Variants in PLEKHG5 observed in about 807,000 individuals in gnomAD.
PLEKHG5 encodes the protein pleckstrin homology domain-containing family G member 5.
A neutral mutation model predicts 103.8 loss-of-function variants in PLEKHG5; 52 were observed. The observed-to-expected ratio is 0.50, with a 90% CI of 0.40 to 0.63. PLEKHG5 has a LOEUF of 0.63. PLEKHG5 is among the 30% of genes least tolerant of loss of function. PLEKHG5 has a pLI of 0.00. For synonymous variants in PLEKHG5, 592 were observed against 575.5 expected (o/e 1.03, Z -0.41); for missense variants, 1,205 against 1,347.6 (o/e 0.89, Z 1.66).
intron 2 of PLEKHG5, 84 bp downstream of exon 2, chr1:6,477,445 G>T: frequency 7.3e-7 from 1 of 1,371,978 alleles, no homozygotes; most frequent in Non-Finnish European, 1.0e-6. Flanking sequence ...TTGTCCTTAT[G>T]ACGCCCTAGC....
chr1:6,495,908 A>T (rs1053864041), upstream of PLEKHG5, among the ~76,000 whole-genome samples: 14 of 152,238 alleles, frequency 9.2e-5, no homozygotes, highest in African/African-American at 3.4e-4. Context: ...CACAGGCAGA[A>T]GCGCCCAGCC....
In PLEKHG5 at chr1:6,471,803, GA is replaced by G. The variant is rs761339939; in HGVS notation, c.1085del (p.Phe362SerfsTer6). 1 of 1,608,142 alleles carries G rather than the reference GA, an allele frequency of 6.2e-7. No homozygotes were observed. The highest frequency in any genetic ancestry group is 1.3e-5 in the African/African-American group (1 of 74,988). ...IRKLRVIINLFLCCLLNLQES... is the reference protein window; with the variant it reads ...IRKLRVIINLXLCCLLNLQES... ...CTTGCAGGTTCAGGAGGCAGCACAG[GA>G]ACAGCTGTGGGATCAGGGGATGGTG... On this transcript the variant is annotated frameshift_variant, in exon 11 of 21. Transcript: ENST00000377728. LOFTEE classifies it high-confidence loss of function.
intron 1 of PLEKHG5, among the ~76,000 whole-genome samples, chr1:6,510,454 G>C (rs533134045): frequency 2.0e-5 from 3 of 152,172 alleles, no homozygotes; most frequent in Non-Finnish European, 2.9e-5. Context: ...AGCCAGGAGG[G>C]GTGGCAGGCA....
In PLEKHG5 at chr1:6,471,753, C is replaced by A. The variant is rs1293986972; in HGVS notation, c.1131+5G>T. The A allele has an allele frequency of 1.2e-6, 2 of 1,609,184 alleles. No homozygotes were observed. The highest frequency in any genetic ancestry group is 3.4e-5 in the Admixed American group (2 of 59,544). Reference sequence around the variant, plus strand: ...ACCCGCCGCCGCCCCCGAATCCCAGCGCACCTCACACAGCAGCCCTGACTC... The same window carrying A: ...ACCCGCCGCCGCCCCCGAATCCCAGAGCACCTCACACAGCAGCCCTGACTC... On this transcript the variant is annotated splice_donor_5th_base_variant and intron_variant, in intron 11 of 20. Transcript: ENST00000377728.
At chr1:6,479,283 T>C (rs1475613374) in intron 1 of PLEKHG5, among the ~76,000 whole-genome samples, 1 of 105,754 alleles carries the variant, frequency 9.5e-6, no homozygotes, top group Non-Finnish European at 1.8e-5. Flanking sequence ...CTGTTTATCC[T>C]TTTTTTTTTT....
chr1:6,489,768 T>C (rs1425248057), intron 1 of PLEKHG5, among the ~76,000 whole-genome samples: 1 of 152,204 alleles, frequency 6.6e-6, no homozygotes, highest in Non-Finnish European at 1.5e-5. Flanking sequence ...TGCCCACCTG[T>C]GCCAAGAGGG....
chr1:6,472,686 T>A, intron 9 of PLEKHG5, 64 bp from the exon 10 acceptor site: 1 of 1,173,908 alleles, frequency 8.5e-7, no homozygotes, highest in Non-Finnish European at 1.3e-6. Context: ...CCGGGGAGGA[T>A]AAGCAACCTG....
rs1468003322 is a variant in PLEKHG5, at chr1:6,490,112, G to A, written c.-88+1525C>T. On this transcript the variant is annotated intron_variant, in intron 1 of 20. Transcript: ENST00000377728. This position sits in a 1 kb window ranked among gnomAD's most constrained non-coding sequence, Gnocchi z 8.0. ...CGGGACTGGCCAGATGGGGAGGATC[G>A]GCTGAGCCTCCCAGCCACGCCGCGC... is the stretch of plus-strand genomic sequence containing the variant. Among the ~76,000 whole-genome samples the A allele has an allele frequency of 1.3e-5, 2 of 152,106 alleles. No individual in the cohort carries two copies. Among genetic ancestry groups the A allele is most frequent in the African/African-American group, 4.8e-5 (2 of 41,426 alleles).
intron 1 of PLEKHG5, among the ~76,000 whole-genome samples, chr1:6,514,767 A>G (rs531337067): frequency 6.8e-6 from 1 of 148,058 alleles, no homozygotes; most frequent in African/African-American, 2.5e-5. Context: ...TCTTGAAGGA[A>G]AAAAAAAAAA....
intron 1 of PLEKHG5, among the ~76,000 whole-genome samples, chr1:6,507,179 C>T (rs968009517): frequency 7.9e-5 from 12 of 152,178 alleles, no homozygotes; most frequent in African/African-American, 1.7e-4. Flanking sequence ...ACCTCTGCCA[C>T]GGTATCCACG....
At chr1:6,516,842 A>G (rs12728878) in intron 1 of PLEKHG5, among the ~76,000 whole-genome samples, 1 of 129,528 alleles carries the variant, frequency 7.7e-6, no homozygotes, top group Non-Finnish European at 1.5e-5. Flanking sequence ...GTGTGTGTAT[A>G]TATATATGTG....
At chr1:6,471,189 C>G in intron 12 of PLEKHG5, 89 bp from the exon 13 acceptor site, 2 of 1,107,928 alleles carry the variant, frequency 1.8e-6, no homozygotes. Flanking sequence ...CGCTTCCTTA[C>G]TGCACTTGGG....
At chr1:6,496,858 G>A, upstream of PLEKHG5, 1 of 740,866 alleles carries the variant, frequency 1.3e-6, no homozygotes, top group South Asian at 2.1e-5. Context: ...ACAAGTGGGG[G>A]AGCGCTCAGT....
At chr1:6,471,407 C>G (rs1644582199) in intron 12 of PLEKHG5, 81 bp downstream of exon 12, 2 of 1,465,144 alleles carry the variant, frequency 1.4e-6, no homozygotes, top group Admixed American at 2.0e-5. Flanking sequence ...GGATGCTGGG[C>G]AGACCGGATC....
intron 1 of PLEKHG5, among the ~76,000 whole-genome samples, chr1:6,512,497 G>A (rs1227518884): frequency 3.3e-5 from 5 of 152,176 alleles, no homozygotes; most frequent in Admixed American, 3.3e-4. Flanking sequence ...GGGCCCTCAG[G>A]CCCACTCGGC....
chr1:6,518,677 T>G (rs372317595), intron 1 of PLEKHG5, among the ~76,000 whole-genome samples: 2 of 152,272 alleles, frequency 1.3e-5, no homozygotes, highest in African/African-American at 4.8e-5. Flanking sequence ...AGACCATCCT[T>G]GCCAGGGGCG....
intron 1 of PLEKHG5, among the ~76,000 whole-genome samples, chr1:6,508,898 G>A (rs556459164): frequency 2.8e-4 from 42 of 152,362 alleles, no homozygotes; most frequent in African/African-American, 9.9e-4. Flanking sequence ...TAGGAAGAGG[G>A]AGAGCCAGGG....
At chr1:6,474,404 G>A in intron 6 of PLEKHG5, 47 bp downstream of exon 6, 2 of 1,609,806 alleles carry the variant, frequency 1.2e-6, no homozygotes, top group Non-Finnish European at 8.5e-7. Flanking sequence ...ATCTCCAGGA[G>A]GCTCCGCCAG....
intron 1 of PLEKHG5, among the ~76,000 whole-genome samples, chr1:6,512,206 C>T (rs1232495942): frequency 6.6e-6 from 1 of 152,190 alleles, no homozygotes; most frequent in African/African-American, 2.4e-5. Context: ...GGTCTGTCCA[C>T]CACCCTCCAT....
Sources: allele counts gnomAD v4.1 joint callset (sites outside exome capture counted in the v4.1 genomes callset), GRCh38; gene constraint gnomAD v4.1.1; non-coding constraint Gnocchi (gnomAD v3.1); transcripts MANE v1.5; gene names NCBI Gene and HGNC (gene_info 2026-07-23, HGNC 2026-07-21).